UNC5C: variants seen among roughly 807,000 people sequenced by gnomAD.
UNC5C encodes unc-5 netrin receptor C, also known as netrin receptor UNC5C.
A neutral mutation model predicts 99.8 loss-of-function variants in UNC5C; 47 were observed. That is an observed-to-expected ratio of 0.47 (90% CI 0.37 to 0.60). UNC5C has a LOEUF of 0.60. Among genes scored for constraint, UNC5C ranks in the 20% least tolerant of loss-of-function variants. UNC5C has a pLI of 0.00. For synonymous variants in UNC5C, 487 were observed against 452.2 expected (o/e 1.08, Z -0.98); for missense variants, 1,062 against 1,165.9 (o/e 0.91, Z 1.30).
At chr4:95,356,015 C>A (rs371169977) in intron 1 of UNC5C, among the ~76,000 whole-genome samples, 1 of 151,586 alleles carries the variant, frequency 6.6e-6, no homozygotes, top group Non-Finnish European at 1.5e-5. Flanking sequence ...CATAGAGAGA[C>A]CCTGTATCTA....
chr4:95,427,830 T>C (rs1560829155), intron 1 of UNC5C, among the ~76,000 whole-genome samples: 1 of 152,294 alleles, frequency 6.6e-6, no homozygotes, highest in East Asian at 1.9e-4. Context: ...TATTTTCTTC[T>C]GCAGTTTTTA....
At chr4:95,404,850 G>A (rs1360796529) in intron 1 of UNC5C, among the ~76,000 whole-genome samples, 1 of 152,212 alleles carries the variant, frequency 6.6e-6, no homozygotes, top group African/African-American at 2.4e-5. Context: ...CAGATGGATG[G>A]TGGAACAACG....
intron 2 of UNC5C, among the ~76,000 whole-genome samples, chr4:95,308,028 T>C (rs1336644916): frequency 4.6e-5 from 7 of 152,218 alleles, no homozygotes; most frequent in Admixed American, 4.6e-4. Context: ...CAGTGAAAAG[T>C]TGAAAGTTTT....
intron 1 of UNC5C, among the ~76,000 whole-genome samples, chr4:95,485,381 T>C (rs1721296626): frequency 6.6e-6 from 1 of 151,774 alleles, no homozygotes; most frequent in Admixed American, 6.6e-5. Flanking sequence ...TTAGGAAACG[T>C]GTAGTAAAGA....
chr4:95,302,029 T>C (rs904538095), intron 2 of UNC5C, among the ~76,000 whole-genome samples: 2 of 152,244 alleles, frequency 1.3e-5, no homozygotes, highest in African/African-American at 4.8e-5. Flanking sequence ...CAATACAGCT[T>C]GCTATTTTTT....
chr4:95,292,794 A>G (rs1422770623), intron 3 of UNC5C, among the ~76,000 whole-genome samples: 1 of 152,152 alleles, frequency 6.6e-6, no homozygotes, highest in Non-Finnish European at 1.5e-5. Context: ...CCCATCATGT[A>G]CTTTCAATTT....
At chr4:95,319,089 C>G (rs1045169849) in intron 2 of UNC5C, among the ~76,000 whole-genome samples, 1 of 152,288 alleles carries the variant, frequency 6.6e-6, no homozygotes, top group East Asian at 1.9e-4. Flanking sequence ...GGATTTTGAA[C>G]AGAACATCTA....
chr4:95,529,261 ATACAT>A (rs1159352740), intron 1 of UNC5C, among the ~76,000 whole-genome samples: 1 of 148,538 alleles, frequency 6.7e-6, no homozygotes, highest in African/African-American at 2.5e-5. Context: ...ATTTGAGAGA[ATACAT>A]TACATGTATG....
chr4:95,229,411 T>C (rs969815245), intron 7 of UNC5C, among the ~76,000 whole-genome samples: 2 of 152,138 alleles, frequency 1.3e-5, no homozygotes, highest in Admixed American at 6.5e-5. Context: ...TTGCTGAGAA[T>C]GATGGTTTCC....
Position 95,301,633 on chromosome 4 carries a change from T to C in UNC5C, c.463A>G (p.Ser155Gly). Residue 155 changes from serine (S) to glycine (G), a missense_variant, in exon 3 of 16, where the codon AGC becomes GGC. Ser to Gly is a moderately conservative substitution (Grantham distance 56, BLOSUM62 0). Transcript: ENST00000453304. ...VAWSSAGTTK[S>G]RKAYVRIAYL... Reference sequence around the variant, plus strand: ...GCAATGCGCACATACGCCTTCCGGCTCTTTGTGGTACCCGCGGAGCTCCAG... The same window carrying C: ...GCAATGCGCACATACGCCTTCCGGCCCTTTGTGGTACCCGCGGAGCTCCAG... 1.2e-6 allele frequency: 2 copies of C among 1,614,054 alleles called. No individual in the cohort carries two copies. The highest frequency in any genetic ancestry group is 1.7e-6 in the Non-Finnish European group (2 of 1,180,016).
chr4:95,245,284 G>A, intron 5 of UNC5C, 140 bp from the exon 6 acceptor site: 6 of 977,292 alleles, frequency 6.1e-6, no homozygotes, highest in Non-Finnish European at 8.5e-6. Flanking sequence ...TTCAAAGCCA[G>A]AAGAGACCAT....
At position 95,242,419 on chromosome 4, in the gene UNC5C, A is replaced by G; in HGVS notation, c.1108+10T>C. 6.2e-7 allele frequency: 1 copy of G among 1,613,964 alleles called. No individual in the cohort carries two copies. The highest frequency in any genetic ancestry group is 8.5e-7 in the Non-Finnish European group (1 of 1,179,924). On this transcript the variant is annotated intron_variant, in intron 7 of 15. Transcript: ENST00000453304. ...CCCTCAATGTCTGCAGTTTGCTTAA[A>G]TTGACTTACTCTGCATGCAAAGCCC... is the stretch of plus-strand genomic sequence containing the variant.
chr4:95,509,275 A>G (rs1162417941), intron 1 of UNC5C, among the ~76,000 whole-genome samples: 1 of 151,784 alleles, frequency 6.6e-6, no homozygotes, highest in African/African-American at 2.4e-5. Context: ...TATTAATGTT[A>G]TATCTGATGA....
At chr4:95,496,193 G>A (rs1305032534) in intron 1 of UNC5C, among the ~76,000 whole-genome samples, 1 of 151,720 alleles carries the variant, frequency 6.6e-6, no homozygotes, top group African/African-American at 2.4e-5. Flanking sequence ...AGTGTATATA[G>A]TATTTACATA....
intron 13 of UNC5C, 118 bp from the exon 14 acceptor site, chr4:95,183,179 C>T (rs995008002): frequency 9.9e-7 from 1 of 1,007,246 alleles, no homozygotes; most frequent in Admixed American, 2.3e-5. Flanking sequence ...ATCCTCACAA[C>T]AGCCCTATGT....
At chr4:95,284,767 G>A (rs900561382) in intron 3 of UNC5C, among the ~76,000 whole-genome samples, 2 of 152,178 alleles carry the variant, frequency 1.3e-5, no homozygotes, top group East Asian at 3.9e-4. Context: ...GGGACAGAGA[G>A]GATAGGGGAG....
intron 1 of UNC5C, among the ~76,000 whole-genome samples, chr4:95,343,880 T>G (rs1424149250): frequency 6.6e-6 from 1 of 151,892 alleles, no homozygotes; most frequent in African/African-American, 2.4e-5. Flanking sequence ...TATTTGAAAG[T>G]ACACAGTCAG....
At chr4:95,352,443 G>A (rs1261167161) in intron 1 of UNC5C, among the ~76,000 whole-genome samples, 1 of 152,036 alleles carries the variant, frequency 6.6e-6, no homozygotes, top group African/African-American at 2.4e-5. Flanking sequence ...CTCCCTCCAA[G>A]AACGTTTCCT....
At chr4:95,429,294 A>AAAC (rs1553971814) in intron 1 of UNC5C, among the ~76,000 whole-genome samples, 3 of 149,324 alleles carry the variant, frequency 2.0e-5, no homozygotes, top group Non-Finnish European at 3.0e-5. Context: ...AAAAAAAAAA[A>AAAC]AAACAAACAA....
Sources: allele counts gnomAD v4.1 joint callset (sites outside exome capture counted in the v4.1 genomes callset), GRCh38; gene constraint gnomAD v4.1.1; transcripts MANE v1.5; gene names NCBI Gene and HGNC (gene_info 2026-07-23, HGNC 2026-07-21).